PRNP: variants seen among roughly 807,000 people sequenced by gnomAD.
PRNP encodes the protein prion protein (Kanno blood group), also known as major prion protein.
PRNP carries 15 observed loss-of-function variants against 21.3 expected under a neutral mutation model. The observed-to-expected ratio is 0.71, with a 90% CI of 0.47 to 1.09. The LOEUF is 1.09. Among genes scored for constraint, PRNP ranks in the 50% least tolerant of loss-of-function variants. PRNP has a pLI of 0.00. For missense variants in PRNP, 285 were observed against 340.9 expected (o/e 0.84, Z 1.29); for synonymous variants, 121 against 123.1 (o/e 0.98, Z 0.11).
Position 4,700,023 on chromosome 20 carries a change from C to T in PRNP, c.*41C>T. 6.4e-7 allele frequency: 1 copy of T among 1,565,414 alleles called. No homozygotes were observed. Among genetic ancestry groups the T allele is most frequent in the Non-Finnish European group, 8.7e-7 (1 of 1,154,530 alleles). On this transcript the variant is annotated 3_prime_UTR_variant, in exon 2 of 2. Coordinates refer to ENST00000379440, the MANE Select transcript of PRNP (RefSeq NM_000311.5). This position sits in a 1 kb window ranked among gnomAD's most constrained non-coding sequence, Gnocchi z 4.1. ...TTTCACCATCTTTCTAATCTTTTTC[C>T]AGCTTGAGGGAGGCGGTATCCACCT... is the stretch of plus-strand genomic sequence containing the variant.
chr20:4,694,598 AT>A (rs1922050443), intron 1 of PRNP, among the ~76,000 whole-genome samples: 1 of 152,130 alleles, frequency 6.6e-6, no homozygotes, highest in African/African-American at 2.4e-5. Context: ...ATAACTCTTA[AT>A]TTTATTTAGA....
At chr20:4,691,243 G>A (rs1270014239) in intron 1 of PRNP, among the ~76,000 whole-genome samples, 1 of 152,158 alleles carries the variant, frequency 6.6e-6, no homozygotes, top group Non-Finnish European at 1.5e-5. Context: ...GTGACCTACA[G>A]ATTCCATAGA....
In PRNP at chr20:4,699,669, A is replaced by G; in HGVS notation, c.449A>G (p.Tyr150Cys). The change falls in exon 2 of 2, where the codon TAT becomes TGT. Residue 150 changes from tyrosine (Y) to cysteine (C), a missense_variant. Physicochemically the swap from Tyr to Cys is radical, Grantham distance 194 (BLOSUM62 -2). Coordinates refer to ENST00000379440, the MANE Select transcript of PRNP (RefSeq NM_000311.5). This position sits in a 1 kb window ranked among gnomAD's most constrained non-coding sequence, Gnocchi z 5.8. The stretch of plus-strand genomic sequence containing the variant: ...GGCAGTGACTATGAGGACCGTTACT[A>G]TCGTGAAAACATGCACCGTTACCCC... ...HFGSDYEDRY[Y>C]RENMHRYPNQ... 1 of 1,614,062 alleles carries G rather than the reference A, an allele frequency of 6.2e-7. No individual in the cohort carries two copies. Among genetic ancestry groups the G allele is most frequent in the Non-Finnish European group, 8.5e-7 (1 of 1,180,008 alleles).
Position 4,699,803 on chromosome 20 carries a change from G to A in PRNP, c.583G>A (p.Gly195Arg). 4.3e-6 allele frequency: 7 copies of A among 1,613,896 alleles called. No homozygotes were observed. The highest frequency in any genetic ancestry group is 5.9e-6 in the Non-Finnish European group (7 of 1,179,996). Residue 195 changes from glycine (G) to arginine (R), a missense_variant, in exon 2 of 2, where the codon GGG (glycine) becomes AGG (arginine). Physicochemically the swap from Gly to Arg is moderately radical, Grantham distance 125. Transcript: ENST00000379440. This position sits in a 1 kb window ranked among gnomAD's most constrained non-coding sequence, Gnocchi z 5.8. ...KQHTVTTTTKGENFTETDVKM... is the reference protein window; with the variant it reads ...KQHTVTTTTKRENFTETDVKM... ...GCACACGGTCACCACAACCACCAAG[G>A]GGGAGAACTTCACCGAGACCGACGT...
rs978132557 is a variant in PRNP at position 4,686,650 on chromosome 20, G to T, written c.-11+138G>T. Reference sequence around the variant, plus strand: ...GGACCCCAGTGAGGAGGGGCCGGGGGCTGCCCCGCGGGCGCGTGACGCGTC... The same window carrying T: ...GGACCCCAGTGAGGAGGGGCCGGGGTCTGCCCCGCGGGCGCGTGACGCGTC... On this transcript the variant is annotated intron_variant, in intron 1 of 1. Coordinates refer to ENST00000379440, the MANE Select transcript of PRNP (RefSeq NM_000311.5). This position sits in a 1 kb window ranked among gnomAD's most constrained non-coding sequence, Gnocchi z 6.7. 1 of 152,120 alleles carries T rather than the reference G, an allele frequency of 6.6e-6. No individual in the cohort carries two copies. Among genetic ancestry groups the T allele is most frequent in the Admixed American group, 6.6e-5 (1 of 15,256 alleles). 9.4% of individuals were successfully genotyped at this position (152,120 alleles called of 1,614,324 possible).
rs750491443 is a variant in PRNP, at chr20:4,699,598, C to T, written c.378C>T (p.Gly126=). Reference sequence around the variant, plus strand: ...CTGGGGCAGTGGTGGGGGGCCTTGGCGGCTACATGCTGGGAAGTGCCATGA... The same window carrying T: ...CTGGGGCAGTGGTGGGGGGCCTTGGTGGCTACATGCTGGGAAGTGCCATGA... ...AAAGAVVGGL[G]GYMLGSAMSR... is the part of the protein sequence containing the mutation. Residue 126 remains glycine, a synonymous_variant, in exon 2 of 2, where the codon GGC becomes GGT. Coordinates refer to ENST00000379440, the MANE Select transcript of PRNP (RefSeq NM_000311.5). This position sits in a 1 kb window ranked among gnomAD's most constrained non-coding sequence, Gnocchi z 5.8. The T allele has an allele frequency of 1.1e-5, 18 of 1,613,898 alleles. No individual in the cohort carries two copies. Among genetic ancestry groups the T allele is most frequent in the Middle Eastern group, 3.3e-4 (2 of 6,084 alleles).
rs994709629 is a variant in PRNP at position 4,686,649 on chromosome 20, GGCTGCCCCGCGGGC to G, written c.-11+140_-11+153del. On this transcript the variant is annotated intron_variant, in intron 1 of 1. Transcript: ENST00000379440. The surrounding 1 kb of genome is among the most constrained non-coding windows in gnomAD (Gnocchi z 6.7). Reference sequence around the variant, plus strand: ...GGGACCCCAGTGAGGAGGGGCCGGGGGCTGCCCCGCGGGCGCGTGACGCGTCTCGGGCCTGCCCG... The same window carrying G: ...GGGACCCCAGTGAGGAGGGGCCGGGGGCGTGACGCGTCTCGGGCCTGCCCG... 6.6e-6 allele frequency: 1 copy of G among 152,130 alleles called. No individual in the cohort carries two copies. The highest frequency in any genetic ancestry group is 2.4e-5 in the African/African-American group (1 of 41,424). The allele number at this position is 152,130 out of a possible 1,614,324, so 9.4% of individuals were successfully genotyped here. A position where few individuals can be genotyped will look rare whatever the true frequency, so the allele number is the denominator to read the frequency against.
rs916731611 is a variant in PRNP, at chr20:4,701,090, G to A, written c.*1108G>A. ...GGAGACAATCTAAAAAATATCTTAG[G>A]TTGGAGATGACAGAAATATGATTGA... On this transcript the variant is annotated 3_prime_UTR_variant, in exon 2 of 2. Transcript: ENST00000379440. The surrounding 1 kb of genome is among the most constrained non-coding windows in gnomAD (Gnocchi z 4.2). The A allele has an allele frequency of 3.6e-5, 6 of 165,978 alleles. No individual in the cohort carries two copies. The highest frequency in any genetic ancestry group is 8.8e-5 in the Non-Finnish European group (6 of 68,124). 10.3% of individuals were successfully genotyped at this position (165,978 alleles called of 1,614,324 possible). A position where few individuals can be genotyped will look rare whatever the true frequency, so the allele number is the denominator to read the frequency against.
At chr20:4,689,692 T>C (rs555350279) in intron 1 of PRNP, among the ~76,000 whole-genome samples, 65 of 152,324 alleles carry the variant, frequency 4.3e-4, no homozygotes, top group Non-Finnish European at 7.8e-4. Flanking sequence ...ATTCAAAACA[T>C]GTCTGTATCT....
At chr20:4,692,654 A>C (rs562762087) in intron 1 of PRNP, among the ~76,000 whole-genome samples, 1 of 152,182 alleles carries the variant, frequency 6.6e-6, no homozygotes, top group East Asian at 1.9e-4. Flanking sequence ...ATTGATTTTC[A>C]TTGAAAACTT....
chr20:4,699,822 C>G lies in PRNP; in HGVS notation c.602C>G (p.Thr201Ser). 1.2e-6 allele frequency: 2 copies of G among 1,613,932 alleles called. No homozygotes were observed. The highest frequency in any genetic ancestry group is 1.7e-6 in the Non-Finnish European group (2 of 1,179,994). Reference protein sequence around the residue: ...TTTKGENFTETDVKMMERVVE... With the variant: ...TTTKGENFTESDVKMMERVVE... ...ACCAAGGGGGAGAACTTCACCGAGA[C>G]CGACGTTAAGATGATGGAGCGCGTG... The change falls in exon 2 of 2, where the codon ACC becomes AGC. Residue 201 changes from threonine (T) to serine (S), a missense_variant. Thr to Ser is a moderately conservative substitution (Grantham distance 58). Transcript: ENST00000379440. This position sits in a 1 kb window ranked among gnomAD's most constrained non-coding sequence, Gnocchi z 5.8.
rs1922491540 is a variant in PRNP at position 4,699,972 on chromosome 20, T to C, written c.752T>C (p.Ile251Thr). Residue 251 changes from isoleucine (I) to threonine (T), a missense_variant, in exon 2 of 2, where the codon ATA becomes ACA. Physicochemically the swap from Ile to Thr is moderately conservative, Grantham distance 89. Transcript: ENST00000379440. The surrounding 1 kb of genome is among the most constrained non-coding windows in gnomAD (Gnocchi z 5.8). ...CTGATCTCTTTCCTCATCTTCCTGATAGTGGGATGAGGAAGGTCTTCCTGT... is the reference window on the plus strand; with the variant it reads ...CTGATCTCTTTCCTCATCTTCCTGACAGTGGGATGAGGAAGGTCTTCCTGT... The part of the protein sequence containing the change: ...ILLISFLIFL[I>T]VG 3.7e-6 allele frequency: 6 copies of C among 1,610,842 alleles called. No individual in the cohort carries two copies. Among genetic ancestry groups the C allele is most frequent in the Admixed American group, 1.7e-5 (1 of 59,556 alleles).
chr20:4,695,706 T>G lies in PRNP; in HGVS notation c.-10-3505T>G, dbSNP rs533297348. ...TCAAATTCATCAATTATTTGCCTTA[T>G]GGTTTGTGCTTTTTGTTTAAAAAGT... On this transcript the variant is annotated intron_variant, in intron 1 of 1. Coordinates refer to ENST00000379440, the MANE Select transcript of PRNP (RefSeq NM_000311.5). Among the ~76,000 whole-genome samples the G allele has an allele frequency of 3.9e-5, 6 of 152,340 alleles. No homozygotes were observed. The East Asian group carries it at 1.2e-3, about 29-fold the overall frequency.
intron 1 of PRNP, among the ~76,000 whole-genome samples, chr20:4,694,556 T>G (rs1447107579): frequency 1.3e-5 from 2 of 152,222 alleles, no homozygotes; most frequent in African/African-American, 4.8e-5. Flanking sequence ...AGAGATATGT[T>G]TTCTAGTGAT....
chr20:4,698,607 GAGAA>G (rs1211012390), intron 1 of PRNP, among the ~76,000 whole-genome samples: 1 of 152,070 alleles, frequency 6.6e-6, no homozygotes, highest in Non-Finnish European at 1.5e-5. Context: ...AATAAAAAAG[GAGAA>G]AGAGAGAGAG....
chr20:4,701,062 T>G lies in PRNP; in HGVS notation c.*1080T>G, dbSNP rs773485588. On this transcript the variant is annotated 3_prime_UTR_variant, in exon 2 of 2. Transcript: ENST00000379440. The surrounding 1 kb of genome is among the most constrained non-coding windows in gnomAD (Gnocchi z 4.2). ...TGTAATTGGCTTTTGAATCAAAGAA[T>G]AGGGAGACAATCTAAAAAATATCTT... 6 of 166,566 alleles carry G rather than the reference T, an allele frequency of 3.6e-5. No individual in the cohort carries two copies. Among genetic ancestry groups the G allele is most frequent in the Non-Finnish European group, 7.3e-5 (5 of 68,112 alleles). 10.3% of individuals were successfully genotyped at this position (166,566 alleles called of 1,614,324 possible). A position where few individuals can be genotyped will look rare whatever the true frequency, so the allele number is the denominator to read the frequency against.
chr20:4,699,127 C>G lies in PRNP; in HGVS notation c.-10-84C>G. The G allele has an allele frequency of 6.7e-7, 1 of 1,500,604 alleles. No individual in the cohort carries two copies. Among genetic ancestry groups the G allele is most frequent in the Non-Finnish European group, 9.3e-7 (1 of 1,079,372 alleles). 93.0% of individuals were successfully genotyped at this position (1,500,604 alleles called of 1,614,324 possible). A position where few individuals can be genotyped will look rare whatever the true frequency, so the allele number is the denominator to read the frequency against. On this transcript the variant is annotated intron_variant, in intron 1 of 1. Transcript: ENST00000379440. The surrounding 1 kb of genome is among the most constrained non-coding windows in gnomAD (Gnocchi z 5.8). ...TTCTACTGAGCAGCTGATACCATTG[C>G]TATGCACTCATTCATTATGCAGGAA...
chr20:4,699,844 C>T lies in PRNP; in HGVS notation c.624C>T (p.Arg208=), dbSNP rs539013899. Residue 208 remains arginine, a synonymous_variant, in exon 2 of 2, where the codon CGC becomes CGT. Transcript: ENST00000379440. The surrounding 1 kb of genome is among the most constrained non-coding windows in gnomAD (Gnocchi z 5.8). Reference sequence around the variant, plus strand: ...AGACCGACGTTAAGATGATGGAGCGCGTGGTTGAGCAGATGTGTATCACCC... The same window carrying T: ...AGACCGACGTTAAGATGATGGAGCGTGTGGTTGAGCAGATGTGTATCACCC... ...FTETDVKMME[R]VVEQMCITQY... The T allele has an allele frequency of 2.7e-5, 44 of 1,613,782 alleles. No individual in the cohort carries two copies. In the Admixed American group the frequency reaches 3.3e-4, roughly 12 times the overall value.
chr20:4,686,501 C>A lies in PRNP; in HGVS notation c.-22C>A, dbSNP rs886056741. The A allele has an allele frequency of 6.6e-6, 1 of 151,950 alleles. No individual in the cohort carries two copies. Among genetic ancestry groups the A allele is most frequent in the African/African-American group, 2.4e-5 (1 of 41,422 alleles). The allele number at this position is 151,950 out of a possible 1,614,324, so 9.4% of individuals were successfully genotyped here. A position where few individuals can be genotyped will look rare whatever the true frequency, so the allele number is the denominator to read the frequency against. On this transcript the variant is annotated 5_prime_UTR_variant, in exon 1 of 2. Coordinates refer to ENST00000379440, the MANE Select transcript of PRNP (RefSeq NM_000311.5). The surrounding 1 kb of genome is among the most constrained non-coding windows in gnomAD (Gnocchi z 6.7). Reference sequence around the variant, plus strand: ...GCGCCGCGAGCTTCTCCTCTCCTCACGACCGAGGCAGGTAAACGCCCGGGG... The same window carrying A: ...GCGCCGCGAGCTTCTCCTCTCCTCAAGACCGAGGCAGGTAAACGCCCGGGG...
Sources: gnomAD v4.1 joint callset for allele counts (sites outside exome capture counted in the v4.1 genomes callset) on GRCh38, gnomAD v4.1.1 for gene constraint, Gnocchi (gnomAD v3.1) non-coding constraint, MANE v1.5 for transcripts, NCBI Gene and HGNC (gene_info 2026-07-23, HGNC 2026-07-21) for gene names.